Variants in RNF146 observed in about 807,000 individuals in gnomAD.
RNF146 encodes E3 ubiquitin-protein ligase RNF146.
RNF146 carries 11 observed loss-of-function variants against 29.7 expected under a neutral mutation model. The observed-to-expected ratio is 0.37, with a 90% CI of 0.23 to 0.61. RNF146 has a LOEUF of 0.61. RNF146 is among the 20% of genes least tolerant of loss of function. The pLI, the probability that RNF146 is intolerant of heterozygous loss-of-function variation, is 0.66. For missense variants in RNF146, 342 were observed against 438.9 expected (o/e 0.78, Z 1.97); for synonymous variants, 150 against 159.7 (o/e 0.94, Z 0.46).
Position 127,287,947 on chromosome 6 carries a change from C to A in RNF146, c.*254C>A, listed in dbSNP as rs1053735903. 1 of 302,282 alleles carries A rather than the reference C, an allele frequency of 3.3e-6. No homozygotes were observed. The highest frequency in any genetic ancestry group is 6.5e-6 in the Non-Finnish European group (1 of 153,356). 18.7% of individuals were successfully genotyped at this position (302,282 alleles called of 1,614,324 possible). A position where few individuals can be genotyped will look rare whatever the true frequency, so the allele number is the denominator to read the frequency against. ...TTTCTTGAGGTCTGTTTACTTTATACTTTTTAAAAACTTCTGTAGTTCTTT... is the reference window on the plus strand; with the variant it reads ...TTTCTTGAGGTCTGTTTACTTTATAATTTTTAAAAACTTCTGTAGTTCTTT... On this transcript the variant is annotated 3_prime_UTR_variant, in exon 3 of 3. Coordinates refer to ENST00000368314, the MANE Select transcript of RNF146 (RefSeq NM_001242850.2).
At chr6:127,267,522 A>T (rs1248310418) in intron 1 of RNF146, among the ~76,000 whole-genome samples, 1 of 152,134 alleles carries the variant, frequency 6.6e-6, no homozygotes, top group African/African-American at 2.4e-5. Context: ...GATCGAAGCC[A>T]GGGCGTACAG....
rs758538317 is a variant in RNF146 at position 127,287,075 on chromosome 6, A to G, written c.462A>G (p.Gln154=). 13 of 1,613,368 alleles carry G rather than the reference A, an allele frequency of 8.1e-6. No individual in the cohort carries two copies. Among genetic ancestry groups the G allele is most frequent in the Non-Finnish European group, 1.1e-5 (13 of 1,179,586 alleles). ...TCGCTGATCTTGAAAACATGGTTCA[A>G]TATAGGAGAAATGAACATGGACGTC... ...LYVADLENMV[Q]YRRNEHGRRR... Residue 154 remains glutamine (Q), a synonymous_variant, in exon 3 of 3, where the codon CAA becomes CAG. Transcript: ENST00000368314.
chr6:127,288,369 G>C lies in RNF146; in HGVS notation c.*676G>C, dbSNP rs950950734. On this transcript the variant is annotated 3_prime_UTR_variant, in exon 3 of 3. Coordinates refer to ENST00000368314, the MANE Select transcript of RNF146 (RefSeq NM_001242850.2). The stretch of plus-strand genomic sequence containing the variant: ...TACTAGAGTTTATCAAAAACAGTTT[G>C]TCTCTTGTTTGAGGGTGGAAAGGGT... The C allele has an allele frequency of 1.8e-5, 3 of 166,716 alleles. No homozygotes were observed. In the Admixed American group the frequency reaches 2.0e-4, roughly 11 times the overall value. 10.3% of individuals were successfully genotyped at this position (166,716 alleles called of 1,614,324 possible).
chr6:127,270,682 C>T (rs1266740033), intron 1 of RNF146, among the ~76,000 whole-genome samples: 1 of 151,496 alleles, frequency 6.6e-6, no homozygotes, highest in African/African-American at 2.4e-5. Flanking sequence ...TCCACTTATA[C>T]AATACTTTTT....
rs1778784557 is a variant in RNF146, at chr6:127,280,489, A to T, written c.2+149A>T. On this transcript the variant is annotated intron_variant, in intron 2 of 2. Transcript: ENST00000368314. ...CTTATAGGTGCTTTATTAACAATTT[A>T]TTTACATTAAGTTATCGTTAATGTA... 3 of 1,299,920 alleles carry T rather than the reference A, an allele frequency of 2.3e-6. No homozygotes were observed. In the South Asian group the frequency reaches 6.9e-5, roughly 30 times the overall value. The allele number at this position is 1,299,920 out of a possible 1,614,324, so 80.5% of individuals were successfully genotyped here.
intron 2 of RNF146, among the ~76,000 whole-genome samples, chr6:127,284,300 G>A (rs1478740699): frequency 1.3e-5 from 2 of 151,798 alleles, no homozygotes; most frequent in African/African-American, 4.8e-5. Flanking sequence ...AAGGTACTTA[G>A]ATGGTTTAAG....
chr6:127,272,238 A>G (rs1442595263), intron 1 of RNF146, among the ~76,000 whole-genome samples: 1 of 152,072 alleles, frequency 6.6e-6, no homozygotes, highest in Non-Finnish European at 1.5e-5. Flanking sequence ...GTAGTGTTTC[A>G]CTAACTAATA....
At chr6:127,280,463 A>T (rs1024594022) in intron 2 of RNF146, 123 bp downstream of exon 2, 6 of 1,346,568 alleles carry the variant, frequency 4.5e-6, no homozygotes, top group African/African-American at 1.5e-5. Context: ...TTTTCTTTTG[A>T]CTTATAGGTG....
chr6:127,281,939 C>T (rs1778964037), intron 2 of RNF146, among the ~76,000 whole-genome samples: 1 of 151,452 alleles, frequency 6.6e-6, no homozygotes, highest in African/African-American at 2.4e-5. Flanking sequence ...TTTTGACTTA[C>T]CTAATTTCTC....
intron 2 of RNF146, 59 bp downstream of exon 2, chr6:127,280,399 C>T (rs144012161): frequency 1.1e-5 from 17 of 1,526,228 alleles, no homozygotes; most frequent in East Asian, 4.9e-5. Context: ...ATTGGTTTAA[C>T]GTGTGGTAAA....
At position 127,286,434 on chromosome 6, in the gene RNF146, G is replaced by A; in HGVS notation, c.3-182G>A. 1 of 717,114 alleles carries A rather than the reference G, an allele frequency of 1.4e-6. No individual in the cohort carries two copies. The highest frequency in any genetic ancestry group is 2.1e-5 in the South Asian group (1 of 48,300). 44.4% of individuals were successfully genotyped at this position (717,114 alleles called of 1,614,324 possible). ...ATTCCCAAGGTATGTACAAGTAGAT[G>A]CTTACAAAAAATTTTCATCGGTTGG... is the stretch of plus-strand genomic sequence containing the variant. On this transcript the variant is annotated intron_variant, in intron 2 of 2. Transcript: ENST00000368314. The surrounding 1 kb of genome is among the most constrained non-coding windows in gnomAD (Gnocchi z 4.6).
intron 1 of RNF146, among the ~76,000 whole-genome samples, chr6:127,274,331 C>T (rs745938175): frequency 3.3e-5 from 5 of 152,054 alleles, no homozygotes; most frequent in Non-Finnish European, 7.4e-5. Flanking sequence ...TTTTTTTGTA[C>T]TTATTTTGAA....
At chr6:127,283,684 A>G (rs1025216624) in intron 2 of RNF146, among the ~76,000 whole-genome samples, 11 of 151,848 alleles carry the variant, frequency 7.2e-5, no homozygotes, top group Non-Finnish European at 1.5e-4. Context: ...AATAAGAAAT[A>G]TCACTAAGTT....
rs568850555 is a variant in RNF146 at position 127,285,594 on chromosome 6, C to T, written c.3-1022C>T. On this transcript the variant is annotated intron_variant, in intron 2 of 2. Coordinates refer to ENST00000368314, the MANE Select transcript of RNF146 (RefSeq NM_001242850.2). Reference sequence around the variant, plus strand: ...GTTTCCTTGGCAGGGCACAATAACACAATAAGGCTTTCATGACTTAACTTT... The same window carrying T: ...GTTTCCTTGGCAGGGCACAATAACATAATAAGGCTTTCATGACTTAACTTT... 9.9e-4 allele frequency among the ~76,000 whole-genome samples: 138 copies of T among 139,938 alleles called. 1 individual carries two copies. Among genetic ancestry groups the T allele is most frequent in the African/African-American group, 3.4e-3 (130 of 37,858 alleles). 91.8% of individuals were successfully genotyped at this position (139,938 alleles called of 152,430 possible). A position where few individuals can be genotyped will look rare whatever the true frequency, so the allele number is the denominator to read the frequency against.
In RNF146 at chr6:127,288,124, G is replaced by A. The variant is rs776321830; in HGVS notation, c.*431G>A. On this transcript the variant is annotated 3_prime_UTR_variant, in exon 3 of 3. Coordinates refer to ENST00000368314, the MANE Select transcript of RNF146 (RefSeq NM_001242850.2). ...TTATGAACAGGAAACATAATTTAAT[G>A]TATGAATAGATGTGAATTTGGGATT... 1 of 167,254 alleles carries A rather than the reference G, an allele frequency of 6.0e-6. No individual in the cohort carries two copies. Among genetic ancestry groups the A allele is most frequent in the Middle Eastern group, 3.4e-3 (1 of 296 alleles). 10.4% of individuals were successfully genotyped at this position (167,254 alleles called of 1,614,324 possible). A position where few individuals can be genotyped will look rare whatever the true frequency, so the allele number is the denominator to read the frequency against.
In RNF146 at chr6:127,287,094, G is replaced by A; in HGVS notation, c.481G>A (p.Gly161Arg). ...GGTTCAATATAGGAGAAATGAACAT[G>A]GACGTCGCAGGAAGATTAAGCGAGA... ...NMVQYRRNEH[G>R]RRRKIKRDII... Residue 161 changes from glycine (G) to arginine (R), a missense_variant, in exon 3 of 3, where the codon GGA becomes AGA. By Grantham distance (125) the Gly-to-Arg change is moderately radical (BLOSUM62 -2). Transcript: ENST00000368314. 2 of 1,613,302 alleles carry A rather than the reference G, an allele frequency of 1.2e-6. No individual in the cohort carries two copies. The highest frequency in any genetic ancestry group is 1.3e-5 in the African/African-American group (1 of 74,970).
At chr6:127,278,076 C>T (rs1010301313) in intron 1 of RNF146, among the ~76,000 whole-genome samples, 11 of 151,992 alleles carry the variant, frequency 7.2e-5, no homozygotes, top group East Asian at 5.8e-4. Context: ...ATTGAAGTCT[C>T]CTCTATCTTG....
intron 2 of RNF146, among the ~76,000 whole-genome samples, chr6:127,281,682 T>G (rs1243626833): frequency 6.6e-6 from 1 of 151,648 alleles, no homozygotes; most frequent in East Asian, 1.9e-4. Flanking sequence ...TCAAAATAAG[T>G]GCAGGGAGTG....
chr6:127,286,263 C>G lies in RNF146; in HGVS notation c.3-353C>G. On this transcript the variant is annotated intron_variant, in intron 2 of 2. Coordinates refer to ENST00000368314, the MANE Select transcript of RNF146 (RefSeq NM_001242850.2). This position sits in a 1 kb window ranked among gnomAD's most constrained non-coding sequence, Gnocchi z 4.6. ...CTCTAAAACTCAGATTTTTAGATTT[C>G]TTGTCTAGCATTCATTTCACTGTAT... 9.7e-7 allele frequency: 1 copy of G among 1,032,332 alleles called. No individual in the cohort carries two copies. The highest frequency in any genetic ancestry group is 1.2e-6 in the Non-Finnish European group (1 of 805,680). 63.9% of individuals were successfully genotyped at this position (1,032,332 alleles called of 1,614,324 possible). A position where few individuals can be genotyped will look rare whatever the true frequency, so the allele number is the denominator to read the frequency against.
Sources: allele counts gnomAD v4.1 joint callset (sites outside exome capture counted in the v4.1 genomes callset), GRCh38; gene constraint gnomAD v4.1.1; non-coding constraint Gnocchi (gnomAD v3.1); transcripts MANE v1.5; gene names NCBI Gene and HGNC (gene_info 2026-07-23, HGNC 2026-07-21).